The following GLI3 variants were observed in gnomAD, a reference collection of about 807,000 sequenced individuals.
The protein encoded by GLI3 is transcription activator GLI3.
In GLI3, 20 loss-of-function variants were observed where a neutral mutation model predicts 100.8. The ratio of observed to expected loss-of-function variants is 0.20; its 90% CI spans 0.14 to 0.29. The LOEUF (loss-of-function observed/expected upper bound fraction) is 0.29, where lower values mean the gene tolerates loss of function less well. Ranked by LOEUF, GLI3 falls within the 10% of genes least tolerant of loss-of-function variation. GLI3 has a pLI of 1.00. For missense variants in GLI3, 2,040 were observed against 2,128.5 expected (o/e 0.96, Z 0.82); for synonymous variants, 938 against 860.5 (o/e 1.09, Z -1.58).
rs752699928 is a variant in GLI3 at position 42,148,286 on chromosome 7, G to T, written c.307C>A (p.Pro103Thr). 1.2e-6 allele frequency: 2 copies of T among 1,613,086 alleles called. No individual in the cohort carries two copies. Among genetic ancestry groups the T allele is most frequent in the Non-Finnish European group, 1.7e-6 (2 of 1,179,508 alleles). ...SLPHVAEPSV[P>T]YRGTVFAMDP... The stretch of plus-strand genomic sequence containing the variant: ...ATGGCAAACACCGTCCCGCGGTACG[G>T]CACAGAGGGCTCCGCCACGTGTGGC... The change falls in exon 3 of 15, where the codon CCG becomes ACG. Residue 103 changes from proline (P) to threonine (T), a missense_variant. Transcript: ENST00000395925.
chr7:42,014,089 C>T (rs1242049558), intron 10 of GLI3, among the ~76,000 whole-genome samples: 1 of 152,198 alleles, frequency 6.6e-6, no homozygotes, highest in African/African-American at 2.4e-5. Context: ...ACTTCTGGCC[C>T]TACCCCAGTC....
At chr7:42,027,847 T>C (rs909228071) in intron 7 of GLI3, among the ~76,000 whole-genome samples, 1 of 152,196 alleles carries the variant, frequency 6.6e-6, no homozygotes, top group African/African-American at 2.4e-5. Context: ...CACAGTAAGT[T>C]AGGGAGAAAT....
At chr7:42,037,132 C>T (rs1775314272) in intron 7 of GLI3, among the ~76,000 whole-genome samples, 1 of 151,806 alleles carries the variant, frequency 6.6e-6, no homozygotes, top group East Asian at 1.9e-4. Flanking sequence ...AAGAGTGAAA[C>T]TCTGTCTCAA....
At position 42,202,788 on chromosome 7, in the gene GLI3, C is replaced by T. The variant is rs145874502; in HGVS notation, c.124+20342G>A. ...TCTGTTAGAAGCTGCAGTGAATGGA[C>T]GGGGGTCCCACTGACGTCATCATAA... On this transcript the variant is annotated intron_variant, in intron 2 of 14. Transcript: ENST00000395925. Among the ~76,000 whole-genome samples the T allele has an allele frequency of 4.1e-3, 617 of 152,262 alleles. 3 individuals carry two copies. Among genetic ancestry groups the T allele is most frequent in the Non-Finnish European group, 5.7e-3 (389 of 68,018 alleles).
chr7:42,211,836 A>C (rs1238221360), intron 2 of GLI3, among the ~76,000 whole-genome samples: 1 of 152,214 alleles, frequency 6.6e-6, no homozygotes, highest in Non-Finnish European at 1.5e-5. Context: ...CAGTCCTCAA[A>C]ATGAATTTGC....
chr7:42,192,970 G>A (rs1169209296), intron 2 of GLI3, among the ~76,000 whole-genome samples: 1 of 152,168 alleles, frequency 6.6e-6, no homozygotes, highest in Non-Finnish European at 1.5e-5. Context: ...CAGGGGCCCA[G>A]CACCCAGAAA....
intron 10 of GLI3, among the ~76,000 whole-genome samples, chr7:42,005,333 G>T (rs1022007445): frequency 1.3e-5 from 2 of 152,004 alleles, no homozygotes; most frequent in Non-Finnish European, 2.9e-5. Flanking sequence ...GCTCTCTACC[G>T]TATGTGACTA....
chr7:42,216,286 C>T (rs1197700836), intron 2 of GLI3, among the ~76,000 whole-genome samples: 2 of 152,134 alleles, frequency 1.3e-5, no homozygotes, highest in Admixed American at 1.3e-4. Context: ...GGTAGAAAAA[C>T]CAGGTGCTAC....
chr7:42,001,109 G>T (rs1032742158), intron 10 of GLI3, among the ~76,000 whole-genome samples: 2 of 151,820 alleles, frequency 1.3e-5, no homozygotes, highest in Non-Finnish European at 2.9e-5. Flanking sequence ...GCTGGGCGTG[G>T]TGGTGAGCGT....
rs370917381 is a variant in GLI3 at position 42,094,257 on chromosome 7, C to A, written c.368-17400G>T. Among the ~76,000 whole-genome samples the A allele has an allele frequency of 2.4e-4, 36 of 152,302 alleles. No homozygotes were observed. In the South Asian group the frequency reaches 7.1e-3, roughly 30 times the overall value. ...GAATTCTGTTCTGTGCTGCTTCAGT[C>A]CTAACACCTCAGGATTCAGTAAGTA... On this transcript the variant is annotated intron_variant, in intron 3 of 14. Coordinates refer to ENST00000395925, the MANE Select transcript of GLI3 (RefSeq NM_000168.6).
chr7:41,964,395 C>G lies in GLI3; in HGVS notation c.4678G>C (p.Gly1560Arg). The G allele has an allele frequency of 1.2e-6, 2 of 1,614,084 alleles. No individual in the cohort carries two copies. Among genetic ancestry groups the G allele is most frequent in the Non-Finnish European group, 1.7e-6 (2 of 1,179,916 alleles). The change falls in exon 15 of 15, where the codon GGG (glycine) becomes CGG (arginine). Residue 1560 changes from glycine to arginine, a missense_variant. Transcript: ENST00000395925. ...GAGGTCAGCAAAGAACTCATGTCCC[C>G]GATAGCCATGTTGGTGGTGCTCATG... ...LSMSTTNMAI[G>R]DMSSLLTSLA...
At chr7:42,113,485 TA>T in intron 3 of GLI3, 9 of 840,066 alleles carry the variant, frequency 1.1e-5, no homozygotes, top group Non-Finnish European at 8.2e-6. Context: ...AGAGCAAGCC[TA>T]AAAAGGCCCC....
rs1476526310 is a variant in GLI3, at chr7:41,963,678, G to C, written c.*652C>G. 1 of 152,446 alleles carries C rather than the reference G, an allele frequency of 6.6e-6. No homozygotes were observed. The highest frequency in any genetic ancestry group is 1.5e-5 in the Non-Finnish European group (1 of 68,280). 9.4% of individuals were successfully genotyped at this position (152,446 alleles called of 1,614,324 possible). The stretch of plus-strand genomic sequence containing the variant: ...CTGTGAGCGCCCATTTCATTTATAA[G>C]AGCCCCACGTTCCCATTTCTGTTTA... On this transcript the variant is annotated 3_prime_UTR_variant, in exon 15 of 15. Coordinates refer to ENST00000395925, the MANE Select transcript of GLI3 (RefSeq NM_000168.6).
chr7:42,191,127 T>G (rs1467633752), intron 2 of GLI3, among the ~76,000 whole-genome samples: 2 of 152,056 alleles, frequency 1.3e-5, no homozygotes, highest in Non-Finnish European at 2.9e-5. Context: ...AAATACACTA[T>G]ACAGCAACTG....
intron 2 of GLI3, among the ~76,000 whole-genome samples, chr7:42,205,992 G>A (rs1202800679): frequency 6.6e-6 from 1 of 152,168 alleles, no homozygotes; most frequent in Admixed American, 6.5e-5. Flanking sequence ...AAGGGGTTAG[G>A]TGCAGTGGCT....
chr7:42,237,448 G>C (rs1788832766), upstream of GLI3, among the ~76,000 whole-genome samples: 1 of 152,078 alleles, frequency 6.6e-6, no homozygotes, highest in East Asian at 2.0e-4. Flanking sequence ...GGTGCCCCGT[G>C]CTGGGTGGAG....
At chr7:42,225,037 G>A (rs139344777) in intron 1 of GLI3, among the ~76,000 whole-genome samples, 1 of 152,328 alleles carries the variant, frequency 6.6e-6, no homozygotes, top group East Asian at 1.9e-4. Context: ...AATCTGGACA[G>A]AGAACCCTTA....
intron 2 of GLI3, among the ~76,000 whole-genome samples, chr7:42,186,589 G>A (rs1398260506): frequency 1.3e-5 from 2 of 152,168 alleles, no homozygotes; most frequent in African/African-American, 4.8e-5. Flanking sequence ...CAACACCCCT[G>A]ACCATCAGTG....
intron 2 of GLI3, among the ~76,000 whole-genome samples, chr7:42,169,133 CA>C (rs34480694): frequency 0.061 from 9,344 of 152,120 alleles, 287 homozygotes; most frequent in Admixed American, 0.11. Flanking sequence ...AGTGTCAATT[CA>C]AAAAACTTCC....
Sources: gnomAD v4.1 joint callset for allele counts (sites outside exome capture counted in the v4.1 genomes callset) on GRCh38, gnomAD v4.1.1 for gene constraint, MANE v1.5 for transcripts, NCBI Gene and HGNC (gene_info 2026-07-23, HGNC 2026-07-21) for gene names.